Variants in C5orf46 observed in about 807,000 individuals in gnomAD.
C5orf46 encodes the protein uncharacterized protein C5orf46.
A neutral mutation model predicts 8.9 loss-of-function variants in C5orf46; 9 were observed. The ratio of observed to expected loss-of-function variants is 1.01; its 90% CI spans 0.61 to 1.76. The LOEUF is 1.76. C5orf46 is among the 40% of genes most tolerant of loss of function. C5orf46 has a pLI of 0.00. For missense variants in C5orf46, 98 were observed against 107.8 expected (o/e 0.91, Z 0.40); for synonymous variants, 47 against 41.4 (o/e 1.14, Z -0.52).
At chr5:147,898,457 G>A (rs1757617428) in intron 2 of C5orf46, among the ~76,000 whole-genome samples, 1 of 152,002 alleles carries the variant, frequency 6.6e-6, no homozygotes, top group African/African-American at 2.4e-5. Context: ...GATGGGCTTG[G>A]GTTTAGACCA....
chr5:147,890,411 C>G (rs188973008), downstream of C5orf46, among the ~76,000 whole-genome samples: 7 of 152,134 alleles, frequency 4.6e-5, no homozygotes, highest in East Asian at 1.2e-3. Context: ...CAAAAAAGGC[C>G]AAATTCTTGC....
At chr5:147,887,289 GAA>G (rs1561627467) in intron 2 of C5orf46, 1 of 152,148 alleles carries the variant, frequency 6.6e-6, no homozygotes, top group Non-Finnish European at 1.5e-5. Context: ...TAGATAATGA[GAA>G]ATATCAGCAC....
chr5:147,891,403 T>C (rs1289128420), downstream of C5orf46, among the ~76,000 whole-genome samples: 1 of 152,084 alleles, frequency 6.6e-6, no homozygotes, highest in African/African-American at 2.4e-5. Flanking sequence ...GAAACACACA[T>C]TGTAAAGCAG....
chr5:147,895,651 G>A (rs577868925), intron 3 of C5orf46, among the ~76,000 whole-genome samples: 41 of 152,268 alleles, frequency 2.7e-4, no homozygotes, highest in African/African-American at 9.9e-4. Flanking sequence ...GTACTCCAAG[G>A]ATTTGGGGTG....
downstream of C5orf46, among the ~76,000 whole-genome samples, chr5:147,890,705 A>G (rs138092976): frequency 6.6e-6 from 1 of 152,194 alleles, no homozygotes; most frequent in African/African-American, 2.4e-5. Flanking sequence ...GGGAAGAGGA[A>G]ATGTAAGGCC....
In C5orf46 at chr5:147,893,907, AT is replaced by A. The variant is rs112629955; in HGVS notation, c.*10-969del. Among the ~76,000 whole-genome samples the A allele has an allele frequency of 6.0e-3, 850 of 142,314 alleles. 1 individual carries two copies. The highest frequency in any genetic ancestry group is 7.2e-3 in the Middle Eastern group (2 of 278). 93.4% of individuals were successfully genotyped at this position (142,314 alleles called of 152,430 possible). Reference sequence around the variant, plus strand: ...AGGAATCTGACTTTAGGGAAGGCATATTTTTTTTTTTTTTGCCTGATTTCTA... The same window carrying A: ...AGGAATCTGACTTTAGGGAAGGCATATTTTTTTTTTTTTGCCTGATTTCTA... On this transcript the variant is annotated intron_variant, in intron 3 of 3. Transcript: ENST00000318315.
chr5:147,901,574 G>A, intron 2 of C5orf46, 55 bp downstream of exon 2: 1 of 1,542,682 alleles, frequency 6.5e-7, no homozygotes. Flanking sequence ...AGGTCATTGT[G>A]TGGTCATTAT....
chr5:147,890,918 G>A (rs1423283548), downstream of C5orf46, among the ~76,000 whole-genome samples: 1 of 152,150 alleles, frequency 6.6e-6, no homozygotes, highest in African/African-American at 2.4e-5. Context: ...AATCTGAATT[G>A]AATTTTATTT....
chr5:147,898,720 T>G (rs1251648013), intron 2 of C5orf46, among the ~76,000 whole-genome samples: 2 of 151,954 alleles, frequency 1.3e-5, no homozygotes, highest in African/African-American at 4.8e-5. Flanking sequence ...TGGCTAGTGG[T>G]AGAGAGAGAA....
chr5:147,896,651 G>T (rs752926104), intron 3 of C5orf46, among the ~76,000 whole-genome samples: 2 of 152,056 alleles, frequency 1.3e-5, no homozygotes, highest in African/African-American at 4.8e-5. Context: ...GCATGATTAC[G>T]TGGGTCCTTA....
intron 3 of C5orf46, among the ~76,000 whole-genome samples, chr5:147,896,187 T>C (rs1040302364): frequency 6.6e-6 from 1 of 152,228 alleles, no homozygotes; most frequent in South Asian, 2.1e-4. Flanking sequence ...AGTAGCACTA[T>C]GGCTTAGAGA....
At chr5:147,894,908 C>T (rs1757557746) in intron 3 of C5orf46, among the ~76,000 whole-genome samples, 1 of 151,482 alleles carries the variant, frequency 6.6e-6, no homozygotes, top group African/African-American at 2.4e-5. Flanking sequence ...AAGGAAAATA[C>T]AAAAATTAGC....
intron 2 of C5orf46, 33 bp from the exon 3 acceptor site, chr5:147,897,074 T>C (rs776683979): frequency 2.7e-6 from 3 of 1,098,856 alleles, no homozygotes; most frequent in South Asian, 1.4e-5. Flanking sequence ...AGAATTACAA[T>C]TGAGACTGAA....
intron 2 of C5orf46, among the ~76,000 whole-genome samples, chr5:147,900,046 T>A (rs960580961): frequency 2.6e-5 from 4 of 152,144 alleles, no homozygotes; most frequent in Non-Finnish European, 2.9e-5. Flanking sequence ...GAAAATTCCC[T>A]AGGGAAGGAA....
chr5:147,897,769 A>C (rs1048841376), intron 2 of C5orf46, among the ~76,000 whole-genome samples: 1 of 152,162 alleles, frequency 6.6e-6, no homozygotes, highest in African/African-American at 2.4e-5. Context: ...TTTGTTTTTG[A>C]ATTGGGCTTT....
intron 2 of C5orf46, among the ~76,000 whole-genome samples, chr5:147,898,330 G>A (rs906111715): frequency 1.3e-5 from 2 of 152,074 alleles, no homozygotes; most frequent in Non-Finnish European, 2.9e-5. Context: ...AGAATATTCA[G>A]CAATTCGATG....
At chr5:147,904,091 A>G (rs1336156579) in intron 1 of C5orf46, among the ~76,000 whole-genome samples, 2 of 122,118 alleles carry the variant, frequency 1.6e-5, no homozygotes, top group African/African-American at 6.2e-5. Flanking sequence ...AGTCAAGGTA[A>G]AAAAAAAAAA....
chr5:147,896,151 C>T (rs1757576839), intron 3 of C5orf46, among the ~76,000 whole-genome samples: 1 of 152,174 alleles, frequency 6.6e-6, no homozygotes, highest in Non-Finnish European at 1.5e-5. Context: ...CCACTGCCTT[C>T]TCCTATACTA....
chr5:147,902,829 C>T (rs1580987779), intron 1 of C5orf46, among the ~76,000 whole-genome samples: 1 of 152,172 alleles, frequency 6.6e-6, no homozygotes, highest in Non-Finnish European at 1.5e-5. Context: ...TTGCATATCA[C>T]CTAGTAGTTT....
Sources: gnomAD v4.1 joint callset for allele counts (sites outside exome capture counted in the v4.1 genomes callset) on GRCh38, gnomAD v4.1.1 for gene constraint, MANE v1.5 for transcripts, NCBI Gene and HGNC (gene_info 2026-07-23, HGNC 2026-07-21) for gene names.